The following FZD1 variants were observed in gnomAD, a reference collection of about 807,000 sequenced individuals.
FZD1 encodes frizzled-1.
A neutral mutation model predicts 48.0 loss-of-function variants in FZD1; 22 were observed. That is an observed-to-expected ratio of 0.46 (90% CI 0.33 to 0.65). The LOEUF (loss-of-function observed/expected upper bound fraction) is 0.65, where lower values mean the gene tolerates loss of function less well. FZD1 is among the 30% of genes least tolerant of loss of function. The pLI is 0.02. For synonymous variants in FZD1, 486 were observed against 409.6 expected, an observed-to-expected ratio of 1.19 and a Z score of -2.25; for missense variants, 843 against 898.1, an observed-to-expected ratio of 0.94 and a Z score of 0.78.
rs1803855942 is a variant in FZD1 at position 91,265,316 on chromosome 7, G to C, written c.436G>C (p.Ala146Pro). Reference sequence around the variant, plus strand: ...GCTGGGCCACACGAACCAGGAGGACGCGGGCCTGGAGGTGCACCAGTTCTA... The same window carrying C: ...GCTGGGCCACACGAACCAGGAGGACCCGGGCCTGGAGGTGCACCAGTTCTA... Reference protein sequence around the residue: ...NLLGHTNQEDAGLEVHQFYPL... With the variant: ...NLLGHTNQEDPGLEVHQFYPL... Residue 146 changes from alanine (A) to proline (P), a missense_variant, in exon 1 of 1, where the codon GCG becomes CCG. Physicochemically the swap from Ala to Pro is conservative, Grantham distance 27. Transcript: ENST00000287934. This position sits in a 1 kb window ranked among gnomAD's most constrained non-coding sequence, Gnocchi z 6.9. 1 of 1,614,016 alleles carries C rather than the reference G, an allele frequency of 6.2e-7. No homozygotes were observed. The highest frequency in any genetic ancestry group is 1.7e-5 in the Admixed American group (1 of 60,012).
chr7:91,265,146 C>CGCG lies in FZD1; in HGVS notation c.268_269insGGC (p.Pro89_Pro90insArg), dbSNP rs1803851154. 9 of 1,580,876 alleles carry CGCG rather than the reference C, an allele frequency of 5.7e-6. No homozygotes were observed. The highest frequency in any genetic ancestry group is 4.3e-6 in the Non-Finnish European group (5 of 1,160,176). On this transcript the variant is annotated inframe_insertion, in exon 1 of 1. Coordinates refer to ENST00000287934, the MANE Select transcript of FZD1 (RefSeq NM_003505.2). The surrounding 1 kb of genome is among the most constrained non-coding windows in gnomAD (Gnocchi z 6.9). The stretch of plus-strand genomic sequence containing the variant: ...CAGGGGCCCGGGCCGGGGCAGCAAC[C>CGCG]GCCGCCGCCGCCTCAGCAGCAACAG...
Position 91,268,054 on chromosome 7 carries a change from G to A in FZD1, c.*1230G>A, listed in dbSNP as rs959381917. The A allele has an allele frequency of 6.0e-6, 1 of 167,136 alleles. No homozygotes were observed. The highest frequency in any genetic ancestry group is 2.1e-4 in the South Asian group (1 of 4,830). 10.4% of individuals were successfully genotyped at this position (167,136 alleles called of 1,614,324 possible). The stretch of plus-strand genomic sequence containing the variant: ...GCTTTCCTTAACAAGACAGCAAAAC[G>A]TAAACAGAAATTGAAAACTTGAAGG... On this transcript the variant is annotated 3_prime_UTR_variant, in exon 1 of 1. Coordinates refer to ENST00000287934, the MANE Select transcript of FZD1 (RefSeq NM_003505.2).
rs1390509370 is a variant in FZD1, at chr7:91,270,116, T to G, written c.*3292T>G. The G allele has an allele frequency of 6.0e-6, 1 of 167,090 alleles. No individual in the cohort carries two copies. The highest frequency in any genetic ancestry group is 2.4e-5 in the African/African-American group (1 of 41,460). The allele number at this position is 167,090 out of a possible 1,614,324, so 10.4% of individuals were successfully genotyped here. A position where few individuals can be genotyped will look rare whatever the true frequency, so the allele number is the denominator to read the frequency against. On this transcript the variant is annotated 3_prime_UTR_variant, in exon 1 of 1. Coordinates refer to ENST00000287934, the MANE Select transcript of FZD1 (RefSeq NM_003505.2). Reference sequence around the variant, plus strand: ...AAAACCATAAGGCTACTTGGGATACTGTCCCATTAGCATTGCTGTTTCCAT... The same window carrying G: ...AAAACCATAAGGCTACTTGGGATACGGTCCCATTAGCATTGCTGTTTCCAT...
rs996951107 is a variant in FZD1, at chr7:91,264,707, C to CGCG, written c.-162_-160dup. 28 of 418,048 alleles carry CGCG rather than the reference C, an allele frequency of 6.7e-5. No homozygotes were observed. The highest frequency in any genetic ancestry group is 9.3e-5 in the Non-Finnish European group (23 of 246,814). 25.9% of individuals were successfully genotyped at this position (418,048 alleles called of 1,614,324 possible). The stretch of plus-strand genomic sequence containing the variant: ...CCGCGCTTCATGAATCGCAAGTTTC[C>CGCG]GCGGCGGCGGCGGCTGCGGTACGCA... On this transcript the variant is annotated 5_prime_UTR_variant, in exon 1 of 1. Coordinates refer to ENST00000287934, the MANE Select transcript of FZD1 (RefSeq NM_003505.2).
Position 91,264,773 on chromosome 7 carries a change from C to G in FZD1, c.-108C>G. 1.5e-6 allele frequency: 1 copy of G among 687,494 alleles called. No homozygotes were observed. Among genetic ancestry groups the G allele is most frequent in the Non-Finnish European group, 2.0e-6 (1 of 489,448 alleles). 42.6% of individuals were successfully genotyped at this position (687,494 alleles called of 1,614,324 possible). The stretch of plus-strand genomic sequence containing the variant: ...GAGCGGGCCGAAAGCGGCTTGGGCT[C>G]GACGGAGGGCACCCGCGCAGAGGTC... On this transcript the variant is annotated 5_prime_UTR_variant, in exon 1 of 1. Coordinates refer to ENST00000287934, the MANE Select transcript of FZD1 (RefSeq NM_003505.2).
chr7:91,264,559 T>G lies in FZD1; in HGVS notation c.-322T>G. ...GCCGAGCCCGCTGGGCTGCGGAGAGTTGCGCTCTCTACGGGGCCGCGGCCA... is the reference window on the plus strand; with the variant it reads ...GCCGAGCCCGCTGGGCTGCGGAGAGGTGCGCTCTCTACGGGGCCGCGGCCA... On this transcript the variant is annotated 5_prime_UTR_variant, in exon 1 of 1. Coordinates refer to ENST00000287934, the MANE Select transcript of FZD1 (RefSeq NM_003505.2). 1 of 345,438 alleles carries G rather than the reference T, an allele frequency of 2.9e-6. No individual in the cohort carries two copies. The highest frequency in any genetic ancestry group is 5.2e-6 in the Non-Finnish European group (1 of 192,094). 21.4% of individuals were successfully genotyped at this position (345,438 alleles called of 1,614,324 possible). A position where few individuals can be genotyped will look rare whatever the true frequency, so the allele number is the denominator to read the frequency against.
In FZD1 at chr7:91,266,776, G is replaced by A. The variant is rs758605350; in HGVS notation, c.1896G>A (p.Lys632=). The A allele has an allele frequency of 1.9e-6, 3 of 1,610,844 alleles. No individual in the cohort carries two copies. Among genetic ancestry groups the A allele is most frequent in the South Asian group, 2.2e-5 (2 of 90,708 alleles). ...GCAAGACCCTCAACTCCTGGAGGAA[G>A]TTCTACACGAGGCTCACCAACAGCA... is the stretch of plus-strand genomic sequence containing the variant. ...WSGKTLNSWR[K]FYTRLTNSKQ... is the part of the protein sequence containing the mutation. The change falls in exon 1 of 1, where the codon AAG becomes AAA. Residue 632 remains lysine (K), a synonymous_variant. Transcript: ENST00000287934. The surrounding 1 kb of genome is among the most constrained non-coding windows in gnomAD (Gnocchi z 6.8).
In FZD1 at chr7:91,265,949, T is replaced by A. The variant is rs749347940; in HGVS notation, c.1069T>A (p.Phe357Ile). The change falls in exon 1 of 1, where the codon TTC (phenylalanine) becomes ATC (isoleucine). Residue 357 changes from phenylalanine to isoleucine, a missense_variant. Phe to Ile is a conservative substitution (Grantham distance 21). Coordinates refer to ENST00000287934, the MANE Select transcript of FZD1 (RefSeq NM_003505.2). This position sits in a 1 kb window ranked among gnomAD's most constrained non-coding sequence, Gnocchi z 6.9. ...RFSYPERPII[F>I]LSGCYTAVAV... ...CAGCTACCCGGAGCGGCCCATCATC[T>A]TCTTGTCCGGCTGTTACACGGCCGT... The A allele has an allele frequency of 9.3e-6, 15 of 1,614,048 alleles. No individual in the cohort carries two copies. Among genetic ancestry groups the A allele is most frequent in the Middle Eastern group, 1.6e-4 (1 of 6,084 alleles).
In FZD1 at chr7:91,264,998, G is replaced by GGCC; in HGVS notation, c.128_130dup (p.Arg43dup). The stretch of plus-strand genomic sequence containing the variant: ...GGAGGAGGGCAGCGGGGACGCCGGT[G>GGCC]GCCGCCGCCGCCCGCCAGTTGACCC... On this transcript the variant is annotated inframe_insertion, in exon 1 of 1. Coordinates refer to ENST00000287934, the MANE Select transcript of FZD1 (RefSeq NM_003505.2). 7.2e-7 allele frequency: 1 copy of GGCC among 1,395,418 alleles called. No homozygotes were observed. Among genetic ancestry groups the GGCC allele is most frequent in the Non-Finnish European group, 9.3e-7 (1 of 1,075,154 alleles). 86.4% of individuals were successfully genotyped at this position (1,395,418 alleles called of 1,614,324 possible). A position where few individuals can be genotyped will look rare whatever the true frequency, so the allele number is the denominator to read the frequency against.
In FZD1 at chr7:91,264,994, C is replaced by T; in HGVS notation, c.114C>T (p.Ala38=). 2 of 1,393,122 alleles carry T rather than the reference C, an allele frequency of 1.4e-6. No individual in the cohort carries two copies. The highest frequency in any genetic ancestry group is 1.6e-5 in the South Asian group (1 of 62,866). 86.3% of individuals were successfully genotyped at this position (1,393,122 alleles called of 1,614,324 possible). A position where few individuals can be genotyped will look rare whatever the true frequency, so the allele number is the denominator to read the frequency against. ...TGGCGGAGGAGGGCAGCGGGGACGC[C>T]GGTGGCCGCCGCCGCCCGCCAGTTG... ...ARLAEEGSGD[A]GGRRRPPVDP... The change falls in exon 1 of 1, where the codon GCC becomes GCT. Residue 38 remains alanine (A), a synonymous_variant. Coordinates refer to ENST00000287934, the MANE Select transcript of FZD1 (RefSeq NM_003505.2).
Position 91,265,712 on chromosome 7 carries a change from C to T in FZD1, c.832C>T (p.Arg278Cys), listed in dbSNP as rs770834506. The T allele has an allele frequency of 1.2e-6, 2 of 1,605,650 alleles. No individual in the cohort carries two copies. The highest frequency in any genetic ancestry group is 1.7e-6 in the Non-Finnish European group (2 of 1,176,476). The stretch of plus-strand genomic sequence containing the variant: ...GGAGCGAGGCAAGTTCTCCTGCCCG[C>T]GCGCCCTCAAGGTGCCCTCCTACCT... Reference protein sequence around the residue: ...ASERGKFSCPRALKVPSYLNY... With the variant: ...ASERGKFSCPCALKVPSYLNY... Residue 278 changes from arginine (R) to cysteine (C), a missense_variant, in exon 1 of 1, where the codon CGC becomes TGC. Physicochemically the swap from Arg to Cys is radical, Grantham distance 180. This residue lies in a region of FZD1 where 490 missense variants were observed against 466.5 expected (regional missense o/e 1.05). Transcript: ENST00000287934. This position sits in a 1 kb window ranked among gnomAD's most constrained non-coding sequence, Gnocchi z 6.9.
In FZD1 at chr7:91,269,977, T is replaced by G. The variant is rs976989090; in HGVS notation, c.*3153T>G. 3 of 167,104 alleles carry G rather than the reference T, an allele frequency of 1.8e-5. No homozygotes were observed. The highest frequency in any genetic ancestry group is 4.4e-5 in the Non-Finnish European group (3 of 68,120). The allele number at this position is 167,104 out of a possible 1,614,324, so 10.4% of individuals were successfully genotyped here. A position where few individuals can be genotyped will look rare whatever the true frequency, so the allele number is the denominator to read the frequency against. ...AATAGCTTTAGAAGACATTTTTAAG[T>G]CACCACCAGCCTTTATTCTTAGAAA... On this transcript the variant is annotated 3_prime_UTR_variant, in exon 1 of 1. Transcript: ENST00000287934.
Position 91,265,949 on chromosome 7 carries a change from T to C in FZD1, c.1069T>C (p.Phe357Leu), listed in dbSNP as rs749347940. 3 of 1,614,166 alleles carry C rather than the reference T, an allele frequency of 1.9e-6. No individual in the cohort carries two copies. In the Admixed American group the frequency reaches 5.0e-5, roughly 27 times the overall value. The change falls in exon 1 of 1, where the codon TTC becomes CTC. Residue 357 changes from phenylalanine (F) to leucine (L), a missense_variant. By Grantham distance (22) the Phe-to-Leu change is conservative (BLOSUM62 0). Transcript: ENST00000287934. The surrounding 1 kb of genome is among the most constrained non-coding windows in gnomAD (Gnocchi z 6.9). ...CAGCTACCCGGAGCGGCCCATCATC[T>C]TCTTGTCCGGCTGTTACACGGCCGT... ...RFSYPERPII[F>L]LSGCYTAVAV...
At position 91,267,086 on chromosome 7, in the gene FZD1, T is replaced by C; in HGVS notation, c.*262T>C. The C allele has an allele frequency of 2.6e-6, 1 of 387,282 alleles. No homozygotes were observed. 24.0% of individuals were successfully genotyped at this position (387,282 alleles called of 1,614,324 possible). On this transcript the variant is annotated 3_prime_UTR_variant, in exon 1 of 1. Coordinates refer to ENST00000287934, the MANE Select transcript of FZD1 (RefSeq NM_003505.2). ...TACCAGGACTGTTCGCTTTTATGAT[T>C]GTAAATAGCCTGTGTAAGATTTTTG... is the stretch of plus-strand genomic sequence containing the variant.
chr7:91,265,840 C>T lies in FZD1; in HGVS notation c.960C>T (p.Arg320=), dbSNP rs1803870075. The change falls in exon 1 of 1, where the codon CGC becomes CGT. Residue 320 remains arginine, a synonymous_variant. Coordinates refer to ENST00000287934, the MANE Select transcript of FZD1 (RefSeq NM_003505.2). This position sits in a 1 kb window ranked among gnomAD's most constrained non-coding sequence, Gnocchi z 6.9. ...GGCCCGAGGAGCTGCGCTTCTCGCG[C>T]ACCTGGATTGGCATTTGGTCAGTGC... ...YFGPEELRFS[R]TWIGIWSVLC... 3 of 1,613,858 alleles carry T rather than the reference C, an allele frequency of 1.9e-6. No homozygotes were observed. Among genetic ancestry groups the T allele is most frequent in the South Asian group, 1.1e-5 (1 of 91,088 alleles).
rs1282219937 is a variant in FZD1 at position 91,270,838 on chromosome 7, C to T, written c.*4014C>T. ...TGAGAGATTAGAAGCAAAATGTAGT[C>T]GTACGTATGTCTAGAGGTGGACGCT... On this transcript the variant is annotated 3_prime_UTR_variant, in exon 1 of 1. Transcript: ENST00000287934. The T allele has an allele frequency of 1.8e-5, 3 of 166,994 alleles. No individual in the cohort carries two copies. Among genetic ancestry groups the T allele is most frequent in the Non-Finnish European group, 4.4e-5 (3 of 68,114 alleles). The allele number at this position is 166,994 out of a possible 1,614,324, so 10.3% of individuals were successfully genotyped here. A position where few individuals can be genotyped will look rare whatever the true frequency, so the allele number is the denominator to read the frequency against.
Position 91,264,944 on chromosome 7 carries a change from T to C in FZD1, c.64T>C (p.Cys22Arg). 1 of 1,344,728 alleles carries C rather than the reference T, an allele frequency of 7.4e-7. No individual in the cohort carries two copies. The highest frequency in any genetic ancestry group is 9.5e-7 in the Non-Finnish European group (1 of 1,052,690). The allele number at this position is 1,344,728 out of a possible 1,614,324, so 83.3% of individuals were successfully genotyped here. The change falls in exon 1 of 1, where the codon TGT becomes CGT. Residue 22 changes from cysteine to arginine, a missense_variant. By Grantham distance (180) the Cys-to-Arg change is radical (BLOSUM62 -3). Transcript: ENST00000287934. ...AAGGGASWELCAGALSARLAE... is the reference protein window; with the variant it reads ...AAGGGASWELRAGALSARLAE... ...CGGCGGTGGCGCGAGCTGGGAACTT[T>C]GTGCCGGGGCGCTCTCGGCCCGGCT...
rs891811319 is a variant in FZD1, at chr7:91,265,086, G to C, written c.206G>C (p.Gly69Ala). 6 of 1,374,512 alleles carry C rather than the reference G, an allele frequency of 4.4e-6. No homozygotes were observed. The highest frequency in any genetic ancestry group is 3.7e-5 in the Admixed American group (1 of 26,782). 85.1% of individuals were successfully genotyped at this position (1,374,512 alleles called of 1,614,324 possible). The change falls in exon 1 of 1, where the codon GGG becomes GCG. Residue 69 changes from glycine (G) to alanine (A), a missense_variant. Coordinates refer to ENST00000287934, the MANE Select transcript of FZD1 (RefSeq NM_003505.2). This position sits in a 1 kb window ranked among gnomAD's most constrained non-coding sequence, Gnocchi z 6.9. ...CTGCTGGAGGCTCCGCTGCTGCTGG[G>C]GGTCCGGGCCCAGGCGGCGGGCCAG... ...LWLLEAPLLL[G>A]VRAQAAGQGP... is the part of the protein sequence containing the mutation.
chr7:91,265,098 A>G lies in FZD1; in HGVS notation c.218A>G (p.Gln73Arg). The G allele has an allele frequency of 1.4e-6, 2 of 1,387,080 alleles. No individual in the cohort carries two copies. Among genetic ancestry groups the G allele is most frequent in the African/African-American group, 1.5e-5 (1 of 65,130 alleles). The allele number at this position is 1,387,080 out of a possible 1,614,324, so 85.9% of individuals were successfully genotyped here. ...CCGCTGCTGCTGGGGGTCCGGGCCC[A>G]GGCGGCGGGCCAGGGGCCAGGCCAG... ...EAPLLLGVRA[Q>R]AAGQGPGQGP... is the part of the protein sequence containing the mutation. Residue 73 changes from glutamine (Q) to arginine (R), a missense_variant, in exon 1 of 1, where the codon CAG (glutamine) becomes CGG (arginine). Physicochemically the swap from Gln to Arg is conservative, Grantham distance 43. Coordinates refer to ENST00000287934, the MANE Select transcript of FZD1 (RefSeq NM_003505.2). This position sits in a 1 kb window ranked among gnomAD's most constrained non-coding sequence, Gnocchi z 6.9.
Sources: gnomAD v4.1 joint callset for allele counts on GRCh38, gnomAD v4.1.1 for gene constraint, gnomAD v4.1.1 regional missense constraint, Gnocchi (gnomAD v3.1) non-coding constraint, MANE v1.5 for transcripts, NCBI Gene and HGNC (gene_info 2026-07-23, HGNC 2026-07-21) for gene names.